The following CEP170 variants were observed in gnomAD, a reference collection of about 807,000 sequenced individuals.
CEP170 encodes centrosomal protein of 170 kDa.
Under a neutral mutation model 151.9 loss-of-function variants are expected in CEP170, and 21 were observed. The observed-to-expected ratio is 0.14, with a 90% CI of 0.10 to 0.20. The LOEUF (loss-of-function observed/expected upper bound fraction) is 0.20. Ranked by LOEUF, CEP170 falls within the 10% of genes least tolerant of loss-of-function variation. The pLI is 1.00. For synonymous variants in CEP170, 356 were observed against 648.8 expected (o/e 0.55, Z 6.86); for missense variants, 964 against 1,892.9 (o/e 0.51, Z 9.11).
chr1:243,247,213 G>A (rs2065485651), intron 1 of CEP170, among the ~76,000 whole-genome samples: 1 of 151,978 alleles, frequency 6.6e-6, no homozygotes, highest in Non-Finnish European at 1.5e-5. Context: ...AGTCTTCCTG[G>A]CTGGCCTAGG....
At chr1:243,166,463 T>C (rs1316439163) in intron 12 of CEP170, 3 of 201,100 alleles carry the variant, frequency 1.5e-5, no homozygotes, top group Non-Finnish European at 3.1e-5. Flanking sequence ...CATTTCTTTT[T>C]CCCCTCTCAA....
chr1:243,196,844 G>C (rs1390401457), intron 7 of CEP170, among the ~76,000 whole-genome samples: 1 of 152,068 alleles, frequency 6.6e-6, no homozygotes, highest in Non-Finnish European at 1.5e-5. Context: ...TAAATATACA[G>C]ACATCATTTA....
At chr1:243,231,649 A>G (rs772815800) in intron 1 of CEP170, among the ~76,000 whole-genome samples, 2 of 152,212 alleles carry the variant, frequency 1.3e-5, no homozygotes, top group Admixed American at 1.3e-4. Context: ...TAAGATATTA[A>G]TTGGAATCGC....
In CEP170 at chr1:243,126,378, A is replaced by G. The variant is rs16832383; in HGVS notation, c.*71T>C. On this transcript the variant is annotated 3_prime_UTR_variant, in exon 20 of 20. Coordinates refer to ENST00000366542, the MANE Select transcript of CEP170 (RefSeq NM_014812.3). ...GACCAAGCTGTCTTGTTTTGCGTAC[A>G]TCAACACTATGCTGCTTCCAATATT... 2 of 1,482,668 alleles carry G rather than the reference A, an allele frequency of 1.3e-6. No homozygotes were observed. Among genetic ancestry groups the G allele is most frequent in the Non-Finnish European group, 1.8e-6 (2 of 1,091,504 alleles). 91.8% of individuals were successfully genotyped at this position (1,482,668 alleles called of 1,614,324 possible). A position where few individuals can be genotyped will look rare whatever the true frequency, so the allele number is the denominator to read the frequency against.
At chr1:243,179,796 C>T (rs1362300229) in intron 10 of CEP170, among the ~76,000 whole-genome samples, 4 of 152,086 alleles carry the variant, frequency 2.6e-5, no homozygotes, top group African/African-American at 7.2e-5. Context: ...ACAAGGGATA[C>T]GATGTGAACA....
Position 243,126,177 on chromosome 1 carries a change from T to A in CEP170, c.*272A>T, listed in dbSNP as rs1450592625. 3 of 533,438 alleles carry A rather than the reference T, an allele frequency of 5.6e-6. No individual in the cohort carries two copies. The Admixed American group carries it at 6.7e-5, about 12-fold the overall frequency. The allele number at this position is 533,438 out of a possible 1,614,324, so 33.0% of individuals were successfully genotyped here. On this transcript the variant is annotated 3_prime_UTR_variant, in exon 20 of 20. Transcript: ENST00000366542. Reference sequence around the variant, plus strand: ...AGATCTATGAAGGGAAAGGGTGTAATCATTAAATTCAATTTGAAAATCATA... The same window carrying A: ...AGATCTATGAAGGGAAAGGGTGTAAACATTAAATTCAATTTGAAAATCATA...
intron 12 of CEP170, chr1:243,168,479 T>C (rs1182606960): frequency 6.6e-6 from 1 of 152,006 alleles, no homozygotes; most frequent in Non-Finnish European, 1.5e-5. Flanking sequence ...TTTATATTTG[T>C]ATATGTTTAT....
chr1:243,152,554 T>TAGGG (rs2057206665), intron 14 of CEP170, among the ~76,000 whole-genome samples: 1 of 61,744 alleles, frequency 1.6e-5, no homozygotes, highest in Non-Finnish European at 3.1e-5. Flanking sequence ...TTTTTTGAGA[T>TAGGG]AGAGTCTCGC....
At position 243,229,587 on chromosome 1, in the gene CEP170, C is replaced by T. The variant is rs1030258351; in HGVS notation, c.-41-4266G>A. On this transcript the variant is annotated intron_variant, in intron 1 of 19. Coordinates refer to ENST00000366542, the MANE Select transcript of CEP170 (RefSeq NM_014812.3). ...ATCACTCATTCCACAGCCACAATCC[C>T]AACAGCTCCAAGAAGCAGCCTGGAG... Among the ~76,000 whole-genome samples, 4 of 152,274 alleles carry T rather than the reference C, an allele frequency of 2.6e-5. No homozygotes were observed. In the South Asian group the frequency reaches 8.3e-4, roughly 32 times the overall value.
intron 4 of CEP170, among the ~76,000 whole-genome samples, chr1:243,206,686 A>G (rs2061441396): frequency 6.6e-6 from 1 of 152,254 alleles, no homozygotes; most frequent in Admixed American, 6.5e-5. Context: ...TAAGATTTTA[A>G]AAATTATTTA....
chr1:243,171,093 G>A (rs1461659923), intron 11 of CEP170, among the ~76,000 whole-genome samples: 2 of 152,210 alleles, frequency 1.3e-5, no homozygotes, highest in African/African-American at 2.4e-5. Context: ...CTTGGCAGGG[G>A]TTGAAGGAAT....
chr1:243,175,338 A>G (rs2059154892), intron 10 of CEP170: 2 of 152,240 alleles, frequency 1.3e-5, no homozygotes, highest in East Asian at 3.8e-4. Flanking sequence ...TTTCTTCTCC[A>G]AACAAGTGGT....
chr1:243,232,792 T>TCA (rs951003961), intron 1 of CEP170, among the ~76,000 whole-genome samples: 3 of 152,204 alleles, frequency 2.0e-5, no homozygotes, highest in Non-Finnish European at 4.4e-5. Flanking sequence ...CAGGAGGTTG[T>TCA]CATTACTCCA....
At chr1:243,150,434 G>C (rs1320707305) in intron 14 of CEP170, among the ~76,000 whole-genome samples, 7 of 152,190 alleles carry the variant, frequency 4.6e-5, no homozygotes, top group Non-Finnish European at 1.0e-4. Context: ...ACAGGCGTGA[G>C]CCACCCCGCC....
In CEP170 at chr1:243,191,592, A is replaced by C. The variant is rs2060308545; in HGVS notation, c.632-98T>G. The C allele has an allele frequency of 1.4e-5, 12 of 863,672 alleles. No individual in the cohort carries two copies. In the East Asian group the frequency reaches 3.2e-4, roughly 23 times the overall value. 53.5% of individuals were successfully genotyped at this position (863,672 alleles called of 1,614,324 possible). On this transcript the variant is annotated intron_variant, in intron 7 of 19. Coordinates refer to ENST00000366542, the MANE Select transcript of CEP170 (RefSeq NM_014812.3). ...ATGTGTACTACTCCGTGAGAACCAG[A>C]AGGCAGATCACAGTCTGGATGAAAA...
At chr1:243,159,831 C>A (rs2057918475) in intron 13 of CEP170, among the ~76,000 whole-genome samples, 1 of 123,446 alleles carries the variant, frequency 8.1e-6, no homozygotes, top group Admixed American at 8.1e-5. Flanking sequence ...CTCTGTCACC[C>A]AGGCTGGAGG....
chr1:243,181,203 C>T (rs2059596541), intron 10 of CEP170, among the ~76,000 whole-genome samples: 1 of 152,090 alleles, frequency 6.6e-6, no homozygotes, highest in Non-Finnish European at 1.5e-5. Flanking sequence ...GAAACTGGTA[C>T]TGTGATGGGA....
chr1:243,186,247 A>G lies in CEP170; in HGVS notation c.1272+12T>C. On this transcript the variant is annotated intron_variant, in intron 9 of 19. Coordinates refer to ENST00000366542, the MANE Select transcript of CEP170 (RefSeq NM_014812.3). ...CATCAAAGAATGCAATCATAAAAGC[A>G]GTTTGACTTACAACAGCTTGGTCTT... 1 of 1,613,706 alleles carries G rather than the reference A, an allele frequency of 6.2e-7. No homozygotes were observed. The highest frequency in any genetic ancestry group is 8.5e-7 in the Non-Finnish European group (1 of 1,179,626).
At chr1:243,202,183 TA>T (rs767668585) in intron 4 of CEP170, among the ~76,000 whole-genome samples, 61 of 152,222 alleles carry the variant, frequency 4.0e-4, no homozygotes, top group Non-Finnish European at 6.0e-4. Context: ...TTACTCTAAG[TA>T]AAGTAACTCA....
Sources: allele counts gnomAD v4.1 joint callset (sites outside exome capture counted in the v4.1 genomes callset), GRCh38; gene constraint gnomAD v4.1.1; transcripts MANE v1.5; gene names NCBI Gene and HGNC (gene_info 2026-07-23, HGNC 2026-07-21).